The following HUNK variants were observed in gnomAD, a reference collection of about 807,000 sequenced individuals.
HUNK encodes the protein hormonally up-regulated neu tumor-associated kinase.
Under a neutral mutation model 61.0 loss-of-function variants are expected in HUNK, and 21 were observed. That is an observed-to-expected ratio of 0.34 (90% CI 0.24 to 0.50). The LOEUF (loss-of-function observed/expected upper bound fraction) is 0.50. Among genes scored for constraint, HUNK ranks in the 20% least tolerant of loss-of-function variants. The probability of loss-of-function intolerance (pLI) is 0.98; values close to 1 mark genes in which losing one functional copy is unlikely to be tolerated. For synonymous variants in HUNK, 371 were observed against 386.1 expected (o/e 0.96, Z 0.46); for missense variants, 772 against 945.7 (o/e 0.82, Z 2.41).
At chr21:31,950,410 T>A (rs1483577735) in intron 4 of HUNK, among the ~76,000 whole-genome samples, 3 of 152,192 alleles carry the variant, frequency 2.0e-5, no homozygotes, top group African/African-American at 7.2e-5. Context: ...GGAAGGCATC[T>A]GTAGTCAAGT....
At chr21:31,976,677 G>A (rs920913366) in intron 7 of HUNK, among the ~76,000 whole-genome samples, 1 of 151,610 alleles carries the variant, frequency 6.6e-6, no homozygotes, top group Non-Finnish European at 1.5e-5. Flanking sequence ...ATATTGGCCA[G>A]GCTGGTCTCA....
At chr21:31,888,910 C>G (rs188274834) in intron 1 of HUNK, among the ~76,000 whole-genome samples, 1 of 152,100 alleles carries the variant, frequency 6.6e-6, no homozygotes, top group East Asian at 1.9e-4. Flanking sequence ...AATACATACA[C>G]GTTTTTGTTA....
rs186593198 is a variant in HUNK at position 31,999,005 on chromosome 21, T to C, written c.1966T>C (p.Cys656Arg). The change falls in exon 11 of 11, where the codon TGT becomes CGT. Residue 656 changes from cysteine (C) to arginine (R), a missense_variant. This residue lies in a region of HUNK where 413 missense variants were observed against 444.4 expected (regional missense o/e 0.93). Transcript: ENST00000270112. ...CATGCAGCCTCTGGGGAGCCCCAATTGTGTGAAAAGCCGAGGCCGGTTCCC... is the reference window on the plus strand; with the variant it reads ...CATGCAGCCTCTGGGGAGCCCCAATCGTGTGAAAAGCCGAGGCCGGTTCCC... ...GPMQPLGSPN[C>R]VKSRGRFPMM... is the part of the protein sequence containing the mutation. 1 of 1,614,086 alleles carries C rather than the reference T, an allele frequency of 6.2e-7. No individual in the cohort carries two copies. Among genetic ancestry groups the C allele is most frequent in the African/African-American group, 1.3e-5 (1 of 75,008 alleles).
chr21:31,882,634 AT>A (rs2052316892), intron 1 of HUNK, among the ~76,000 whole-genome samples: 2 of 152,192 alleles, frequency 1.3e-5, no homozygotes, highest in Admixed American at 1.3e-4. Flanking sequence ...CGGCGTGTCC[AT>A]CACCTAAGTA....
At chr21:31,915,599 T>C (rs913965932) in intron 1 of HUNK, among the ~76,000 whole-genome samples, 3 of 152,200 alleles carry the variant, frequency 2.0e-5, no homozygotes, top group Non-Finnish European at 4.4e-5. Flanking sequence ...AAGATCCATT[T>C]TACATCTGAC....
At chr21:31,918,996 C>T (rs12626407) in intron 1 of HUNK, among the ~76,000 whole-genome samples, 16 of 117,686 alleles carry the variant, frequency 1.4e-4, no homozygotes, top group Non-Finnish European at 2.8e-4. Flanking sequence ...AGGGGCTGGA[C>T]TGAGCGGTAT....
At chr21:31,920,396 G>A (rs60701297) in intron 1 of HUNK, among the ~76,000 whole-genome samples, 35,166 of 152,136 alleles carry the variant, frequency 0.23, 7,325 homozygotes, top group African/African-American at 0.56. Flanking sequence ...CTATAATTGT[G>A]TACTCTGTTA....
At chr21:31,880,626 C>T (rs923325412) in intron 1 of HUNK, among the ~76,000 whole-genome samples, 2 of 152,164 alleles carry the variant, frequency 1.3e-5, no homozygotes, top group Admixed American at 6.5e-5. Flanking sequence ...GTAGGTCTAC[C>T]CTAATCCAGT....
In HUNK at chr21:31,995,238, G is replaced by A. The variant is rs575294455; in HGVS notation, c.1306-530G>A. Among the ~76,000 whole-genome samples the A allele has an allele frequency of 2.0e-5, 3 of 150,952 alleles. No individual in the cohort carries two copies. The East Asian group carries it at 5.9e-4, about 30-fold the overall frequency. The stretch of plus-strand genomic sequence containing the variant: ...TAAGTACGCAAGTAAGTGCTCACAC[G>A]ATTAGGGTAGAAAGGGCTGGAAGCC... On this transcript the variant is annotated intron_variant, in intron 9 of 10. Transcript: ENST00000270112.
At chr21:31,888,189 C>A (rs79914947) in intron 1 of HUNK, among the ~76,000 whole-genome samples, 8,765 of 152,138 alleles carry the variant, frequency 0.058, 309 homozygotes, top group Middle Eastern at 0.16. Context: ...CACATTCACC[C>A]AGGAAAATAT....
chr21:31,902,545 G>C (rs1404666439), intron 1 of HUNK, among the ~76,000 whole-genome samples: 2 of 152,108 alleles, frequency 1.3e-5, no homozygotes, highest in Non-Finnish European at 2.9e-5. Context: ...TAGGGCTTGT[G>C]GGAGTTACAT....
chr21:31,897,099 C>T (rs540942615), intron 1 of HUNK, among the ~76,000 whole-genome samples: 2 of 152,218 alleles, frequency 1.3e-5, no homozygotes, highest in South Asian at 2.1e-4. Context: ...CAAAAATTAC[C>T]CAGAAGTGGT....
At chr21:31,928,657 G>A (rs778788094) in intron 2 of HUNK, among the ~76,000 whole-genome samples, 15 of 152,076 alleles carry the variant, frequency 9.9e-5, no homozygotes, top group Admixed American at 2.6e-4. Flanking sequence ...CACCGCACAC[G>A]GACATAGGTG....
chr21:31,947,615 G>C (rs1330013240), intron 4 of HUNK, among the ~76,000 whole-genome samples: 1 of 152,186 alleles, frequency 6.6e-6, no homozygotes, highest in Non-Finnish European at 1.5e-5. Context: ...TTGTTCCCAG[G>C]GTCTGGTACA....
At chr21:31,982,766 TTGTG>T (rs71193168) in intron 7 of HUNK, among the ~76,000 whole-genome samples, 7 of 150,668 alleles carry the variant, frequency 4.6e-5, no homozygotes, top group Non-Finnish European at 7.4e-5. Flanking sequence ...ACATGTGTGT[TTGTG>T]TGTGTGTGTG....
rs890901449 is a variant in HUNK at position 31,942,138 on chromosome 21, AG to A, written c.610+1920del. ...GGCAGGAGAATCGCTTGAACCTGGG[AG>A]GTGGAGGTTGCAGTGAGCCAAGATC... On this transcript the variant is annotated intron_variant, in intron 3 of 10. Transcript: ENST00000270112. Among the ~76,000 whole-genome samples the A allele has an allele frequency of 7.9e-5, 12 of 152,240 alleles. 1 individual carries two copies. The highest frequency in any genetic ancestry group is 3.3e-4 in the Admixed American group (5 of 15,292).
At chr21:31,983,701 A>C in intron 8 of HUNK, 92 bp downstream of exon 8, 1 of 874,726 alleles carries the variant, frequency 1.1e-6, no homozygotes, top group Non-Finnish European at 1.9e-6. Context: ...ACTGTGGGAC[A>C]CTGAAGTAGC....
At chr21:31,923,068 G>T (rs2052633522) in intron 1 of HUNK, among the ~76,000 whole-genome samples, 3 of 152,142 alleles carry the variant, frequency 2.0e-5, no homozygotes, top group Admixed American at 6.5e-5. Context: ...AAGGACAGGT[G>T]GCGAGACAGC....
chr21:31,931,160 C>T (rs1477640557), intron 2 of HUNK, among the ~76,000 whole-genome samples: 1 of 147,024 alleles, frequency 6.8e-6, no homozygotes, highest in Non-Finnish European at 1.5e-5. Flanking sequence ...ATGCTTTATT[C>T]TTAGTTTATT....
Sources: allele counts gnomAD v4.1 joint callset (sites outside exome capture counted in the v4.1 genomes callset), GRCh38; gene constraint gnomAD v4.1.1; regional missense constraint gnomAD v4.1.1; transcripts MANE v1.5; gene names NCBI Gene and HGNC (gene_info 2026-07-23, HGNC 2026-07-21).